Variants in ZFAND3 observed in about 807,000 individuals in gnomAD.
ZFAND3 encodes AN1-type zinc finger protein 3.
In ZFAND3, 10 loss-of-function variants were observed where a neutral mutation model predicts 29.6. The observed-to-expected ratio is 0.34, with a 90% confidence interval of 0.21 to 0.57. The LOEUF is 0.57. ZFAND3 is among the 20% of genes least tolerant of loss of function. The pLI, the probability that ZFAND3 is intolerant of heterozygous loss-of-function variation, is 0.86. For synonymous variants in ZFAND3, 128 were observed against 112.6 expected (o/e 1.14, Z -0.87); for missense variants, 230 against 304.5 (o/e 0.76, Z 1.82).
chr6:38,096,763 G>T (rs1764988757), intron 4 of ZFAND3, among the ~76,000 whole-genome samples: 1 of 151,928 alleles, frequency 6.6e-6, no homozygotes. Flanking sequence ...GGATGATTCT[G>T]TTGACTTTGT....
At chr6:38,101,718 G>A (rs1030349486) in intron 4 of ZFAND3, among the ~76,000 whole-genome samples, 1 of 144,634 alleles carries the variant, frequency 6.9e-6, no homozygotes, top group African/African-American at 2.6e-5. Flanking sequence ...AGGTTGCGGT[G>A]AGCGGAGATC....
chr6:38,089,843 C>A (rs1764828460), intron 4 of ZFAND3, among the ~76,000 whole-genome samples: 1 of 152,146 alleles, frequency 6.6e-6, no homozygotes, highest in Non-Finnish European at 1.5e-5. Context: ...ACATCTTCCT[C>A]TGCTCTGTGA....
intron 1 of ZFAND3, among the ~76,000 whole-genome samples, chr6:37,888,864 A>G (rs1765045648): frequency 6.6e-6 from 1 of 152,244 alleles, no homozygotes; most frequent in Non-Finnish European, 1.5e-5. Flanking sequence ...ATTAAGTGCA[A>G]ACTTATATTT....
chr6:38,000,074 C>T (rs1160516893), intron 2 of ZFAND3, among the ~76,000 whole-genome samples: 2 of 151,950 alleles, frequency 1.3e-5, no homozygotes, highest in East Asian at 3.9e-4. Context: ...CTGGGTGGCA[C>T]AAGTAGAATT....
chr6:37,860,031 C>T (rs1256345401), intron 1 of ZFAND3, among the ~76,000 whole-genome samples: 1 of 146,048 alleles, frequency 6.8e-6, no homozygotes, highest in African/African-American at 2.6e-5. Context: ...GCCACTACGC[C>T]CAGCTAATTT....
intron 2 of ZFAND3, among the ~76,000 whole-genome samples, chr6:37,995,998 G>C (rs1335438037): frequency 1.3e-5 from 2 of 151,830 alleles, no homozygotes; most frequent in African/African-American, 4.8e-5. Flanking sequence ...GCGTGGTGGT[G>C]GGTGCCTGTA....
At chr6:38,132,153 T>C (rs970299208) in intron 5 of ZFAND3, among the ~76,000 whole-genome samples, 4 of 152,322 alleles carry the variant, frequency 2.6e-5, no homozygotes, top group African/African-American at 9.6e-5. Flanking sequence ...ATAACTCAAC[T>C]TTGGGGAAGG....
rs566504920 is a variant in ZFAND3, at chr6:37,985,474, C to T, written c.112+55475C>T. ...GAAACCCTGTCTACACACACACATG[C>T]GCCTGGTGGCACGTGCTTGTGGTTC... On this transcript the variant is annotated intron_variant, in intron 2 of 5. Transcript: ENST00000287218. Among the ~76,000 whole-genome samples, 39 of 149,660 alleles carry T rather than the reference C, an allele frequency of 2.6e-4. 1 individual carries two copies. The highest frequency in any genetic ancestry group is 6.8e-3 in the Middle Eastern group (2 of 294).
chr6:37,839,715 A>C (rs551531656), intron 1 of ZFAND3, among the ~76,000 whole-genome samples: 1 of 149,504 alleles, frequency 6.7e-6, no homozygotes, highest in East Asian at 2.0e-4. Context: ...GGGTGTCACC[A>C]TGCTGGCCAG....
intron 1 of ZFAND3, among the ~76,000 whole-genome samples, chr6:37,919,302 A>C (rs998067220): frequency 5.3e-5 from 8 of 152,172 alleles, no homozygotes; most frequent in Non-Finnish European, 1.0e-4. Flanking sequence ...CTGCACATGC[A>C]TATTTAAAGG....
chr6:37,977,494 G>A (rs988634054), intron 2 of ZFAND3, among the ~76,000 whole-genome samples: 16 of 151,994 alleles, frequency 1.1e-4, no homozygotes, highest in African/African-American at 3.4e-4. Context: ...TAGAGACGGG[G>A]GTTTCACCAT....
intron 4 of ZFAND3, among the ~76,000 whole-genome samples, chr6:38,088,000 G>A (rs994485128): frequency 6.6e-6 from 1 of 152,244 alleles, no homozygotes; most frequent in Non-Finnish European, 1.5e-5. Flanking sequence ...AGAAGCTAAA[G>A]AGTGTTGGTA....
intron 4 of ZFAND3, among the ~76,000 whole-genome samples, chr6:38,090,623 T>C (rs1764847621): frequency 6.6e-6 from 1 of 152,232 alleles, no homozygotes; most frequent in African/African-American, 2.4e-5. Context: ...GGCTGTTTGC[T>C]GACAGTGTGT....
chr6:37,947,793 A>G (rs1360369330), intron 2 of ZFAND3, among the ~76,000 whole-genome samples: 1 of 151,900 alleles, frequency 6.6e-6, no homozygotes, highest in Non-Finnish European at 1.5e-5. Flanking sequence ...ACCCTCTCCT[A>G]TTCCCCCCAA....
chr6:37,945,597 A>T (rs942779557), intron 2 of ZFAND3, among the ~76,000 whole-genome samples: 1 of 151,736 alleles, frequency 6.6e-6, no homozygotes. Flanking sequence ...CTAGTCTCGA[A>T]CTCCTGAACT....
Position 38,144,196 on chromosome 6 carries a change from TATATATATATATATAATATATAATATATA to T in ZFAND3, c.530-8038_530-8010del, listed in dbSNP as rs1562015836. 9.2e-4 allele frequency among the ~76,000 whole-genome samples: 38 copies of T among 41,088 alleles called. 1 individual carries two copies. Among genetic ancestry groups the T allele is most frequent in the African/African-American group, 2.9e-3 (27 of 9,310 alleles). The allele number at this position is 41,088 out of a possible 152,430, so 27.0% of individuals were successfully genotyped here. On this transcript the variant is annotated intron_variant, in intron 5 of 5. Coordinates refer to ENST00000287218, the MANE Select transcript of ZFAND3 (RefSeq NM_021943.3). ...GATATATATATATAATATATATATA[TATATATATATATATAATATATAATATATA>T]TATATATTTTTTTTTTAATAAGGTT... is the stretch of plus-strand genomic sequence containing the variant.
At position 37,940,509 on chromosome 6, in the gene ZFAND3, A is replaced by T. The variant is rs1033255685; in HGVS notation, c.112+10510A>T. Among the ~76,000 whole-genome samples, 4 of 152,320 alleles carry T rather than the reference A, an allele frequency of 2.6e-5. No individual in the cohort carries two copies. In the East Asian group the frequency reaches 7.7e-4, roughly 29 times the overall value. ...GTGCTTAGCTGGTTCTTGCAGTGTA[A>T]AGTAGATCTAACTGTATGTTAACAG... On this transcript the variant is annotated intron_variant, in intron 2 of 5. Coordinates refer to ENST00000287218, the MANE Select transcript of ZFAND3 (RefSeq NM_021943.3).
intron 2 of ZFAND3, among the ~76,000 whole-genome samples, chr6:38,006,391 T>A (rs1763049167): frequency 6.6e-6 from 1 of 152,174 alleles, no homozygotes; most frequent in Non-Finnish European, 1.5e-5. Context: ...TATAAAAAAA[T>A]GTGAAATTTG....
At chr6:37,826,525 G>A (rs1375881932) in intron 1 of ZFAND3, among the ~76,000 whole-genome samples, 1 of 152,140 alleles carries the variant, frequency 6.6e-6, no homozygotes, top group Non-Finnish European at 1.5e-5. Context: ...AGGCCAAGGC[G>A]TGAGGATCAC....
Sources: allele counts gnomAD v4.1 joint callset (sites outside exome capture counted in the v4.1 genomes callset), GRCh38; gene constraint gnomAD v4.1.1; transcripts MANE v1.5; gene names NCBI Gene and HGNC (gene_info 2026-07-23, HGNC 2026-07-21).